FAM171A1: variants seen among roughly 807,000 people sequenced by gnomAD.
The protein encoded by FAM171A1 is protein FAM171A1.
A neutral mutation model predicts 74.9 loss-of-function variants in FAM171A1; 23 were observed. The observed-to-expected ratio is 0.31, with a 90% confidence interval of 0.22 to 0.44. The LOEUF (loss-of-function observed/expected upper bound fraction) is 0.44. Among genes scored for constraint, FAM171A1 ranks in the 20% least tolerant of loss-of-function variants. The pLI, the probability that FAM171A1 is intolerant of heterozygous loss-of-function variation, is 1.00. For synonymous variants in FAM171A1, 527 were observed against 505.7 expected, an observed-to-expected ratio of 1.04 and a Z score of -0.57; for missense variants, 1,162 against 1,159.2, an observed-to-expected ratio of 1.00 and a Z score of -0.03.
chr10:15,274,784 G>A (rs551306421), intron 3 of FAM171A1, among the ~76,000 whole-genome samples: 13 of 152,238 alleles, frequency 8.5e-5, no homozygotes, highest in South Asian at 6.2e-4. Context: ...AAGAAATGGG[G>A]AAATGATTCC....
chr10:15,339,669 C>T (rs1277931237), intron 1 of FAM171A1, among the ~76,000 whole-genome samples: 1 of 152,152 alleles, frequency 6.6e-6, no homozygotes, highest in Non-Finnish European at 1.5e-5. Flanking sequence ...GGCTTAGTTA[C>T]TCCTCCTACA....
At chr10:15,342,910 G>C (rs543389113) in intron 1 of FAM171A1, among the ~76,000 whole-genome samples, 5 of 152,192 alleles carry the variant, frequency 3.3e-5, no homozygotes, top group Non-Finnish European at 7.3e-5. Context: ...TTGGAGTCAT[G>C]GCCCAGGGTG....
intron 2 of FAM171A1, among the ~76,000 whole-genome samples, chr10:15,277,589 T>G (rs1228919665): frequency 1.3e-5 from 2 of 152,168 alleles, no homozygotes; most frequent in South Asian, 2.1e-4. Context: ...GATGAGGAAG[T>G]AACTCACCCA....
chr10:15,219,847 T>G (rs529836710), intron 6 of FAM171A1, among the ~76,000 whole-genome samples: 1 of 152,362 alleles, frequency 6.6e-6, no homozygotes, highest in East Asian at 1.9e-4. Context: ...CCCAAAGTGC[T>G]GGGATTACAG....
rs1833903368 is a variant in FAM171A1, at chr10:15,212,576, A to C, written c.*339T>G. Reference sequence around the variant, plus strand: ...TGCAAAAAGTTTCATCTGTTCCCAGAATCCGAGGGAGAACTGAGGTGATCG... The same window carrying C: ...TGCAAAAAGTTTCATCTGTTCCCAGCATCCGAGGGAGAACTGAGGTGATCG... On this transcript the variant is annotated 3_prime_UTR_variant, in exon 8 of 8. Transcript: ENST00000378116. The C allele has an allele frequency of 3.5e-6, 1 of 289,156 alleles. No homozygotes were observed. Among genetic ancestry groups the C allele is most frequent in the Non-Finnish European group, 6.4e-6 (1 of 155,472 alleles). The allele number at this position is 289,156 out of a possible 1,614,324, so 17.9% of individuals were successfully genotyped here. A position where few individuals can be genotyped will look rare whatever the true frequency, so the allele number is the denominator to read the frequency against.
intron 5 of FAM171A1, among the ~76,000 whole-genome samples, chr10:15,232,678 G>A (rs377480488): frequency 3.3e-5 from 5 of 152,312 alleles, no homozygotes; most frequent in African/African-American, 1.2e-4. Flanking sequence ...GGAAACAGGT[G>A]GTTGTTCTGC....
rs1222605766 is a variant in FAM171A1 at position 15,214,657 on chromosome 10, G to T, written c.987-56C>A. The T allele has an allele frequency of 2.7e-6, 4 of 1,491,566 alleles. No homozygotes were observed. In the African/African-American group the frequency reaches 4.2e-5, roughly 16 times the overall value. 92.4% of individuals were successfully genotyped at this position (1,491,566 alleles called of 1,614,324 possible). A position where few individuals can be genotyped will look rare whatever the true frequency, so the allele number is the denominator to read the frequency against. On this transcript the variant is annotated intron_variant, in intron 7 of 7. Transcript: ENST00000378116. ...GATTAGTGATTCTCACAATGAAAAA[G>T]TTTCAAGTTTCAGGTAAAATCCTAA...
At chr10:15,266,062 G>C (rs1437493167) in intron 3 of FAM171A1, among the ~76,000 whole-genome samples, 1 of 152,188 alleles carries the variant, frequency 6.6e-6, no homozygotes, top group Admixed American at 6.5e-5. Context: ...GTAACACTGG[G>C]CCATGAGTGG....
chr10:15,363,525 C>T (rs1836021451), intron 1 of FAM171A1, among the ~76,000 whole-genome samples: 1 of 152,150 alleles, frequency 6.6e-6, no homozygotes, highest in Admixed American at 6.5e-5. Flanking sequence ...TGATTCACTC[C>T]CTTCCTCCAT....
At chr10:15,250,922 T>C (rs538519281) in intron 4 of FAM171A1, among the ~76,000 whole-genome samples, 105 of 152,314 alleles carry the variant, frequency 6.9e-4, no homozygotes, top group South Asian at 1.2e-3. Flanking sequence ...ACTTGGTAGA[T>C]AGAGGAGAAA....
intron 1 of FAM171A1, among the ~76,000 whole-genome samples, chr10:15,332,578 G>A (rs1195183150): frequency 1.3e-5 from 2 of 152,150 alleles, no homozygotes; most frequent in African/African-American, 2.4e-5. Context: ...AGAAATAAAA[G>A]GCCTTCATAT....
intron 1 of FAM171A1, among the ~76,000 whole-genome samples, chr10:15,292,870 A>C (rs1835118867): frequency 6.6e-6 from 1 of 151,612 alleles, no homozygotes; most frequent in Middle Eastern, 3.4e-3. Context: ...TAAAGTAATA[A>C]TCTCCTTATA....
chr10:15,305,849 G>A (rs948808947), intron 1 of FAM171A1, among the ~76,000 whole-genome samples: 2 of 152,096 alleles, frequency 1.3e-5, no homozygotes, highest in Admixed American at 6.6e-5. Context: ...CCCTAAAATC[G>A]GAGAAAGGCT....
At chr10:15,373,153 G>T (rs145795254), upstream of FAM171A1, among the ~76,000 whole-genome samples, 19 of 152,320 alleles carry the variant, frequency 1.2e-4, 1 homozygote, top group African/African-American at 4.3e-4. Context: ...AAGCCCATAT[G>T]GGTTTTATAG....
chr10:15,310,800 G>A (rs577670881), intron 1 of FAM171A1, among the ~76,000 whole-genome samples: 5 of 151,694 alleles, frequency 3.3e-5, no homozygotes, highest in South Asian at 4.2e-4. Flanking sequence ...GGCAGAAGTC[G>A]CAGTGCATGA....
intron 1 of FAM171A1, among the ~76,000 whole-genome samples, chr10:15,359,535 G>C (rs1021072875): frequency 6.6e-6 from 1 of 152,088 alleles, no homozygotes; most frequent in African/African-American, 2.4e-5. Context: ...ATCCATCCTC[G>C]ACATTTTAGC....
chr10:15,311,236 G>A (rs1054436392), intron 1 of FAM171A1, among the ~76,000 whole-genome samples: 2 of 152,334 alleles, frequency 1.3e-5, no homozygotes, highest in Admixed American at 1.3e-4. Context: ...GACTGGGCAG[G>A]CTTCTGTATC....
In FAM171A1 at chr10:15,213,326, C is replaced by T. The variant is rs778605709; in HGVS notation, c.2262G>A (p.Lys754=). The T allele has an allele frequency of 1.9e-6, 3 of 1,614,212 alleles. No individual in the cohort carries two copies. The highest frequency in any genetic ancestry group is 2.2e-5 in the South Asian group (2 of 91,086). ...VDMNEPKSAR[K]GRGDALSLQQ... is the part of the protein sequence containing the mutation. ...GCAGAGACAAAGCATCTCCCCTTCC[C>T]TTCCGGGCTGATTTTGGTTCATTCA... Residue 754 remains lysine (K), a synonymous_variant, in exon 8 of 8, where the codon AAG becomes AAA. Transcript: ENST00000378116. This position sits in a 1 kb window ranked among gnomAD's most constrained non-coding sequence, Gnocchi z 6.8.
rs147929925 is a variant in FAM171A1 at position 15,299,125 on chromosome 10, G to C, written c.98-15020C>G. Among the ~76,000 whole-genome samples the C allele has an allele frequency of 4.4e-3, 673 of 152,226 alleles. 3 individuals carry two copies. Among genetic ancestry groups the C allele is most frequent in the African/African-American group, 0.015 (634 of 41,532 alleles). On this transcript the variant is annotated intron_variant, in intron 1 of 7. Transcript: ENST00000378116. ...TAGTAGACAGGGTTTCGCCACGTTGGCCAGGCTGGTCTCAAACTCCCGACC... is the reference window on the plus strand; with the variant it reads ...TAGTAGACAGGGTTTCGCCACGTTGCCCAGGCTGGTCTCAAACTCCCGACC...
Sources: gnomAD v4.1 joint callset for allele counts (sites outside exome capture counted in the v4.1 genomes callset) on GRCh38, gnomAD v4.1.1 for gene constraint, Gnocchi (gnomAD v3.1) non-coding constraint, MANE v1.5 for transcripts, NCBI Gene and HGNC (gene_info 2026-07-23, HGNC 2026-07-21) for gene names.